LMLN: variants seen among roughly 807,000 people sequenced by gnomAD.
The protein encoded by LMLN is leishmanolysin-like peptidase.
A neutral mutation model predicts 92.3 loss-of-function variants in LMLN; 70 were observed. The ratio of observed to expected loss-of-function variants is 0.76; its 90% CI spans 0.63 to 0.92. The LOEUF is 0.92. Ranked by LOEUF, LMLN falls within the 40% of genes least tolerant of loss-of-function variation. LMLN has a pLI of 0.00. For missense variants in LMLN, 691 were observed against 814.6 expected (o/e 0.85, Z 1.85); for synonymous variants, 308 against 296.2 (o/e 1.04, Z -0.41).
intron 7 of LMLN, among the ~76,000 whole-genome samples, 163 bp downstream of exon 7, chr3:197,984,211 T>C (rs775768190): frequency 6.6e-6 from 1 of 151,850 alleles, no homozygotes; most frequent in Admixed American, 6.6e-5. Context: ...AATAAAAAAT[T>C]CAAAAATTAG....
intron 11 of LMLN, among the ~76,000 whole-genome samples, chr3:198,005,291 A>G (rs531925861): frequency 6.6e-6 from 1 of 151,068 alleles, no homozygotes; most frequent in East Asian, 1.9e-4. Context: ...TTTGACATCT[A>G]TCTATATATC....
chr3:198,027,223 A>G (rs1327501704), intron 14 of LMLN, among the ~76,000 whole-genome samples: 3 of 151,668 alleles, frequency 2.0e-5, no homozygotes, highest in Non-Finnish European at 4.4e-5. Flanking sequence ...CACCCGGCCA[A>G]CTCTGCGTGA....
chr3:198,017,880 G>A (rs1411801809), intron 11 of LMLN, among the ~76,000 whole-genome samples: 1 of 152,148 alleles, frequency 6.6e-6, no homozygotes, highest in Admixed American at 6.5e-5. Flanking sequence ...TCGCACTACT[G>A]CACTCCAGCC....
chr3:197,961,291 G>A (rs1251631842), intron 1 of LMLN, among the ~76,000 whole-genome samples: 1 of 152,128 alleles, frequency 6.6e-6, no homozygotes, highest in East Asian at 1.9e-4. Flanking sequence ...GTCAGAGGTG[G>A]GTCCACGATA....
In LMLN at chr3:198,020,768, ATTTT is replaced by A. The variant is rs71166715; in HGVS notation, c.1366-649_1366-646del. Among the ~76,000 whole-genome samples the A allele has an allele frequency of 3.3e-4, 11 of 32,870 alleles. No individual in the cohort carries two copies. In the East Asian group the frequency reaches 6.8e-3, roughly 20 times the overall value. 21.6% of individuals were successfully genotyped at this position (32,870 alleles called of 152,430 possible). A position where few individuals can be genotyped will look rare whatever the true frequency, so the allele number is the denominator to read the frequency against. On this transcript the variant is annotated intron_variant, in intron 12 of 15. Transcript: ENST00000330198. ...GCCACCACACCCAGCTAATTTTTGT[ATTTT>A]TTTTTTTTTTTTTTTTTTTTTTTTT...
exon 15 of LMLN, chr3:198,035,951 A>G: frequency 6.2e-7 from 1 of 1,614,026 alleles, no homozygotes; most frequent in South Asian, 1.1e-5. Flanking sequence ...CACGATGGAA[A>G]CCTGCTCTGC....
chr3:197,980,324 A>C lies in LMLN; in HGVS notation c.550-2A>C. The C allele has an allele frequency of 6.2e-7, 1 of 1,611,776 alleles. No individual in the cohort carries two copies. Among genetic ancestry groups the C allele is most frequent in the Non-Finnish European group, 8.5e-7 (1 of 1,178,664 alleles). On this transcript the variant is annotated splice_acceptor_variant, in intron 5 of 15. Coordinates refer to ENST00000330198, the Ensembl canonical transcript of LMLN. LOFTEE classifies it high-confidence loss of function. ...GCTTTCTGATGTCTCCCGTGGGTGC[A>C]GCAATGCCGGGTCTACCGTGGGGGT... is the stretch of plus-strand genomic sequence containing the variant.
At position 198,019,374 on chromosome 3, in the gene LMLN, C is replaced by G. The variant is rs926706108; in HGVS notation, c.1354C>G (p.Gln452Glu). Residue 452 changes from glutamine to glutamate, a missense_variant, in exon 12 of 16, where the codon CAG becomes GAG. Gln to Glu is a conservative substitution (Grantham distance 29). Around this residue, in one of 4 missense-constraint regions of LMLN, gnomAD observed 352 missense variants for 443.6 expected, o/e 0.79. Coordinates refer to ENST00000330198, the Ensembl canonical transcript of LMLN. The surrounding 1 kb of genome is among the most constrained non-coding windows in gnomAD (Gnocchi z 5.5). ...GCAGAAGTTCCCTAAGCCTTTACCACAGGAATACCAGGTAGAACAGGGCTG... is the reference window on the plus strand; with the variant it reads ...GCAGAAGTTCCCTAAGCCTTTACCAGAGGAATACCAGGTAGAACAGGGCTG... The G allele has an allele frequency of 1.9e-6, 3 of 1,613,498 alleles. No homozygotes were observed. In the African/African-American group the frequency reaches 4.0e-5, roughly 22 times the overall value.
Position 198,031,514 on chromosome 3 carries a change from G to A in LMLN, c.1657-4319G>A, listed in dbSNP as rs1723077770. Among the ~76,000 whole-genome samples the A allele has an allele frequency of 6.6e-6, 1 of 152,128 alleles. No individual in the cohort carries two copies. Among genetic ancestry groups the A allele is most frequent in the South Asian group, 2.1e-4 (1 of 4,826 alleles). The stretch of plus-strand genomic sequence containing the variant: ...GTTCTGCCGTCCTTCAATAGCTTGG[G>A]TGGGTATAGCTTTATTTTTGAAAAT... On this transcript the variant is annotated intron_variant, in intron 14 of 15. Coordinates refer to ENST00000330198, the Ensembl canonical transcript of LMLN. This position sits in a 1 kb window ranked among gnomAD's most constrained non-coding sequence, Gnocchi z 4.8.
At chr3:197,993,881 A>C (rs1721947792) in intron 9 of LMLN, among the ~76,000 whole-genome samples, 1 of 152,234 alleles carries the variant, frequency 6.6e-6, no homozygotes, top group Non-Finnish European at 1.5e-5. Context: ...CATAGTAATT[A>C]AAATGTCATG....
At chr3:197,978,053 A>T (rs1014596866) in intron 5 of LMLN, among the ~76,000 whole-genome samples, 3 of 151,858 alleles carry the variant, frequency 2.0e-5, no homozygotes, top group Admixed American at 1.3e-4. Context: ...CACACGTTAA[A>T]TCTGGATACA....
In LMLN at chr3:198,042,909, T is replaced by G. The variant is rs1286363994; in HGVS notation, c.*4242T>G. On this transcript the variant is annotated 3_prime_UTR_variant, in exon 16 of 16. Coordinates refer to ENST00000330198, the Ensembl canonical transcript of LMLN. The surrounding 1 kb of genome is among the most constrained non-coding windows in gnomAD (Gnocchi z 4.2). ...CCTTCCAGTATTCTGAAAAACATCCTTTTATTTCTTAAAACCAGTAACCCT... is the reference window on the plus strand; with the variant it reads ...CCTTCCAGTATTCTGAAAAACATCCGTTTATTTCTTAAAACCAGTAACCCT... 1 of 152,204 alleles carries G rather than the reference T, an allele frequency of 6.6e-6. No homozygotes were observed. The highest frequency in any genetic ancestry group is 1.5e-5 in the Non-Finnish European group (1 of 68,026). 9.4% of individuals were successfully genotyped at this position (152,204 alleles called of 1,614,324 possible).
chr3:197,974,812 C>T (rs1355224779), intron 2 of LMLN, among the ~76,000 whole-genome samples: 1 of 152,144 alleles, frequency 6.6e-6, no homozygotes, highest in Non-Finnish European at 1.5e-5. Context: ...GAGGTCTGGC[C>T]CAGATTCCAG....
chr3:198,037,915 G>A (rs747985921), intron 15 of LMLN, among the ~76,000 whole-genome samples: 1 of 152,184 alleles, frequency 6.6e-6, no homozygotes, highest in Non-Finnish European at 1.5e-5. Context: ...ATATGTTCTG[G>A]TCTGCCTGAG....
intron 1 of LMLN, among the ~76,000 whole-genome samples, chr3:197,963,826 G>A (rs756643417): frequency 6.6e-6 from 1 of 152,204 alleles, no homozygotes; most frequent in African/African-American, 2.4e-5. Context: ...CTGAGCAAAA[G>A]TGAGATAGCA....
intron 1 of LMLN, among the ~76,000 whole-genome samples, chr3:197,971,658 C>T (rs1721227340): frequency 6.6e-6 from 1 of 152,178 alleles, no homozygotes; most frequent in Non-Finnish European, 1.5e-5. Flanking sequence ...GATCTTGGCT[C>T]ACTGAAACCT....
Position 197,980,179 on chromosome 3 carries a change from CAGGG to C in LMLN, c.550-143_550-140del, listed in dbSNP as rs1267250599. ...GAATTAGAGCTAGGTATTGAGTAGACAGGGAGGTATGGATTTTGATAAAAGTTTA... is the reference window on the plus strand; with the variant it reads ...GAATTAGAGCTAGGTATTGAGTAGACAGGTATGGATTTTGATAAAAGTTTA... On this transcript the variant is annotated intron_variant, in intron 5 of 15. Transcript: ENST00000330198. 8.8e-6 allele frequency: 5 copies of C among 566,422 alleles called. No homozygotes were observed. In the African/African-American group the frequency reaches 9.4e-5, roughly 11 times the overall value. 35.1% of individuals were successfully genotyped at this position (566,422 alleles called of 1,614,324 possible).
chr3:198,039,597 T>G (rs1723341593), exon 16 of LMLN: 2 of 150,080 alleles, frequency 1.3e-5, no homozygotes, highest in South Asian at 4.2e-4. Context: ...AGACCCTGTA[T>G]CTTAAAAAAA....
chr3:197,969,177 G>A (rs1465374688), intron 1 of LMLN, among the ~76,000 whole-genome samples: 1 of 151,810 alleles, frequency 6.6e-6, no homozygotes, highest in Non-Finnish European at 1.5e-5. Context: ...GAACTCCTGA[G>A]CTCAAGCAAT....
Sources: gnomAD v4.1 joint callset for allele counts (sites outside exome capture counted in the v4.1 genomes callset) on GRCh38, gnomAD v4.1.1 for gene constraint, gnomAD v4.1.1 regional missense constraint, Gnocchi (gnomAD v3.1) non-coding constraint, MANE v1.5 for transcripts, NCBI Gene and HGNC (gene_info 2026-07-23, HGNC 2026-07-21) for gene names.